The following NKAIN2 variants were observed in gnomAD, a reference collection of about 807,000 sequenced individuals.
NKAIN2 encodes the protein sodium/potassium transporting ATPase interacting 2.
NKAIN2 carries 14 observed loss-of-function variants against 32.6 expected under a neutral mutation model. That is an observed-to-expected ratio of 0.43 (90% CI 0.28 to 0.67). The LOEUF (loss-of-function observed/expected upper bound fraction) is 0.67. Ranked by LOEUF, NKAIN2 falls within the 30% of genes least tolerant of loss-of-function variation. The pLI, the probability that NKAIN2 is intolerant of heterozygous loss-of-function variation, is 0.17. For synonymous variants in NKAIN2, 80 were observed against 87.2 expected, an observed-to-expected ratio of 0.92 and a Z score of 0.46; for missense variants, 198 against 258.3, an observed-to-expected ratio of 0.77 and a Z score of 1.60.
At chr6:124,194,640 A>G (rs1562414843) in intron 1 of NKAIN2, among the ~76,000 whole-genome samples, 1 of 152,084 alleles carries the variant, frequency 6.6e-6, no homozygotes, top group Non-Finnish European at 1.5e-5. Context: ...ATTCTAGGTC[A>G]TAGATGGCTT....
chr6:124,382,576 T>C (rs1208555581), intron 3 of NKAIN2, among the ~76,000 whole-genome samples: 3 of 152,190 alleles, frequency 2.0e-5, no homozygotes, highest in Admixed American at 1.3e-4. Flanking sequence ...TCATAGCTAA[T>C]GGCAGACAAT....
intron 1 of NKAIN2, among the ~76,000 whole-genome samples, chr6:124,038,264 A>G (rs999262195): frequency 6.6e-6 from 1 of 150,944 alleles, no homozygotes; most frequent in Non-Finnish European, 1.5e-5. Context: ...TTTGAGTCTC[A>G]CTCTGTCACC....
chr6:124,191,319 T>C (rs1289763841), intron 1 of NKAIN2, among the ~76,000 whole-genome samples: 6 of 152,116 alleles, frequency 3.9e-5, no homozygotes, highest in Admixed American at 3.3e-4. Flanking sequence ...TGTATAGGTC[T>C]TGCACATCTT....
rs56218679 is a variant in NKAIN2, at chr6:124,474,468, T to C, written c.273+119121T>C. On this transcript the variant is annotated intron_variant, in intron 3 of 6. Transcript: ENST00000368417. Reference sequence around the variant, plus strand: ...AAAGTGATTCTTCAAACGGAACCACTTTCTGCACTTTAAGTATTACTGGTA... The same window carrying C: ...AAAGTGATTCTTCAAACGGAACCACCTTCTGCACTTTAAGTATTACTGGTA... Among the ~76,000 whole-genome samples the C allele has an allele frequency of 9.9e-3, 1,504 of 152,210 alleles. 22 individuals are homozygous for C. The highest frequency in any genetic ancestry group is 0.034 in the African/African-American group (1,433 of 41,544).
intron 2 of NKAIN2, among the ~76,000 whole-genome samples, chr6:124,345,725 T>C (rs1402816253): frequency 6.6e-6 from 1 of 152,116 alleles, no homozygotes; most frequent in Admixed American, 6.5e-5. Flanking sequence ...TCTTCTCTCT[T>C]TTCTTCTTTA....
At chr6:124,330,921 A>C (rs1797624747) in intron 2 of NKAIN2, among the ~76,000 whole-genome samples, 1 of 152,128 alleles carries the variant, frequency 6.6e-6, no homozygotes, top group South Asian at 2.1e-4. Context: ...CCTTATGAGA[A>C]TCTAAGTAAT....
intron 1 of NKAIN2, among the ~76,000 whole-genome samples, chr6:123,852,963 G>T (rs1350523776): frequency 6.6e-6 from 1 of 152,192 alleles, no homozygotes; most frequent in Non-Finnish European, 1.5e-5. Context: ...TCTAAATGTT[G>T]TACCATGTTT....
At chr6:124,776,879 T>C (rs1029409134) in intron 4 of NKAIN2, among the ~76,000 whole-genome samples, 4 of 152,152 alleles carry the variant, frequency 2.6e-5, no homozygotes, top group African/African-American at 9.7e-5. Flanking sequence ...TTAGCAGAAT[T>C]AGAAGGTCTC....
In NKAIN2 at chr6:123,849,954, TTTTTTTTGTTTGTTTG is replaced by T. The variant is rs1171859509; in HGVS notation, c.54+45708_54+45723del. Among the ~76,000 whole-genome samples, 35 of 34,448 alleles carry T rather than the reference TTTTTTTTGTTTGTTTG, an allele frequency of 1.0e-3. 5 individuals carry two copies. The highest frequency in any genetic ancestry group is 2.3e-3 in the Non-Finnish European group (19 of 8,374). 22.6% of individuals were successfully genotyped at this position (34,448 alleles called of 152,430 possible). The stretch of plus-strand genomic sequence containing the variant: ...TCACTCTGTAACTCAGGCTGGTTTT[TTTTTTTTGTTTGTTTG>T]TTTTTTTTTTAACTTTCTGTGGAGA... On this transcript the variant is annotated intron_variant, in intron 1 of 6. Coordinates refer to ENST00000368417, the MANE Select transcript of NKAIN2 (RefSeq NM_001040214.3).
intron 2 of NKAIN2, among the ~76,000 whole-genome samples, chr6:124,348,526 G>T (rs900156460): frequency 1.3e-5 from 2 of 152,230 alleles, no homozygotes; most frequent in East Asian, 3.9e-4. Context: ...ACCTAATCAA[G>T]CCTGGGCAAT....
At chr6:124,519,522 A>G in intron 3 of NKAIN2, among the ~76,000 whole-genome samples, 1 of 152,314 alleles carries the variant, frequency 6.6e-6, no homozygotes, top group East Asian at 1.9e-4. Flanking sequence ...AGAAATTATA[A>G]CCTTACTTTC....
At chr6:124,677,893 C>A (rs970914052) in intron 4 of NKAIN2, among the ~76,000 whole-genome samples, 1 of 152,022 alleles carries the variant, frequency 6.6e-6, no homozygotes. Flanking sequence ...CTTTTTAAGG[C>A]AGGTCTAGTG....
At chr6:124,010,242 C>T (rs975370726) in intron 1 of NKAIN2, among the ~76,000 whole-genome samples, 3 of 151,878 alleles carry the variant, frequency 2.0e-5, no homozygotes, top group Non-Finnish European at 2.9e-5. Flanking sequence ...CTTCACTTTC[C>T]CCTGAGCACA....
chr6:124,814,337 A>G (rs1341632458), intron 5 of NKAIN2, among the ~76,000 whole-genome samples: 3 of 152,194 alleles, frequency 2.0e-5, no homozygotes, highest in Admixed American at 1.3e-4. Context: ...TGTAGGTAAA[A>G]TAAACTACAG....
intron 3 of NKAIN2, among the ~76,000 whole-genome samples, chr6:124,559,787 C>T (rs553269763): frequency 8.6e-5 from 13 of 151,430 alleles, no homozygotes; most frequent in Non-Finnish European, 1.9e-4. Context: ...AGCAGAGCCC[C>T]CTCAGCTAGG....
intron 1 of NKAIN2, among the ~76,000 whole-genome samples, chr6:123,943,891 A>G (rs916762131): frequency 3.3e-5 from 5 of 152,038 alleles, no homozygotes; most frequent in African/African-American, 9.7e-5. Flanking sequence ...AATGTTAAAA[A>G]CCAAGCAAAC....
chr6:124,718,623 A>G (rs1027262997), intron 4 of NKAIN2, among the ~76,000 whole-genome samples: 2 of 152,162 alleles, frequency 1.3e-5, no homozygotes, highest in Non-Finnish European at 2.9e-5. Flanking sequence ...GAAATTCACA[A>G]TCTTTGCAAC....
Position 124,640,913 on chromosome 6 carries a change from T to C in NKAIN2, c.274-17273T>C, listed in dbSNP as rs188094459. 8.9e-3 allele frequency among the ~76,000 whole-genome samples: 1,361 copies of C among 152,312 alleles called. 18 individuals are homozygous for C. Among genetic ancestry groups the C allele is most frequent in the African/African-American group, 0.031 (1,303 of 41,562 alleles). ...TTCCTTCCATCTTTCTTCCTTGTTT[T>C]CCTTTTTTACCTTTCAGTGAATTAC... On this transcript the variant is annotated intron_variant, in intron 3 of 6. Transcript: ENST00000368417.
chr6:124,233,329 G>C (rs1449815059), intron 1 of NKAIN2, among the ~76,000 whole-genome samples: 1 of 152,050 alleles, frequency 6.6e-6, no homozygotes, highest in Non-Finnish European at 1.5e-5. Context: ...CACTAGCATT[G>C]AAATGCAATT....
Sources: allele counts gnomAD v4.1 joint callset (sites outside exome capture counted in the v4.1 genomes callset), GRCh38; gene constraint gnomAD v4.1.1; transcripts MANE v1.5; gene names NCBI Gene and HGNC (gene_info 2026-07-23, HGNC 2026-07-21).